The following MAP3K4 variants were observed in gnomAD, a reference collection of about 807,000 sequenced individuals.
MAP3K4 encodes the protein mitogen-activated protein kinase kinase kinase 4.
MAP3K4 carries 67 observed loss-of-function variants against 185.6 expected under a neutral mutation model. That is an observed-to-expected ratio of 0.36 (90% CI 0.30 to 0.44). MAP3K4 has a LOEUF of 0.44. Ranked by LOEUF, MAP3K4 falls within the 20% of genes least tolerant of loss-of-function variation. The probability of loss-of-function intolerance (pLI) is 1.00; values close to 1 mark genes in which losing one functional copy is unlikely to be tolerated. For synonymous variants in MAP3K4, 702 were observed against 710.4 expected (o/e 0.99, Z 0.19); for missense variants, 1,551 against 1,995.1 (o/e 0.78, Z 4.24).
At chr6:161,004,930 T>C (rs1416209441) in intron 1 of MAP3K4, among the ~76,000 whole-genome samples, 4 of 152,212 alleles carry the variant, frequency 2.6e-5, no homozygotes, top group Admixed American at 6.5e-5. Flanking sequence ...GATAAACATT[T>C]GACGTTGAAA....
rs1450837847 is a variant in MAP3K4, at chr6:161,108,950, G to C, written c.4236+91G>C. The C allele has an allele frequency of 6.2e-6, 10 of 1,610,992 alleles. No individual in the cohort carries two copies. Among genetic ancestry groups the C allele is most frequent in the Non-Finnish European group, 4.2e-6 (5 of 1,178,216 alleles). On this transcript the variant is annotated intron_variant, in intron 22 of 26. Coordinates refer to ENST00000392142, the MANE Select transcript of MAP3K4 (RefSeq NM_005922.4). The surrounding 1 kb of genome is among the most constrained non-coding windows in gnomAD (Gnocchi z 5.7). The stretch of plus-strand genomic sequence containing the variant: ...CTACATCACAGGTCTTCTCATTTCA[G>C]AGCACAGTAACTTTGCCTAATTCTC...
Position 161,008,101 on chromosome 6 carries a change from T to C in MAP3K4, c.152+16018T>C, listed in dbSNP as rs1034368858. The stretch of plus-strand genomic sequence containing the variant: ...GCAGAAAGTGGGATAGAGTGGAAAG[T>C]GGGATGCAGTGATGATATTTATTAT... On this transcript the variant is annotated intron_variant, in intron 1 of 26. Coordinates refer to ENST00000392142, the MANE Select transcript of MAP3K4 (RefSeq NM_005922.4). The surrounding 1 kb of genome is among the most constrained non-coding windows in gnomAD (Gnocchi z 4.1). 3.3e-5 allele frequency among the ~76,000 whole-genome samples: 5 copies of C among 152,016 alleles called. No homozygotes were observed. Among genetic ancestry groups the C allele is most frequent in the Non-Finnish European group, 7.4e-5 (5 of 67,994 alleles).
chr6:161,088,445 C>T lies in MAP3K4; in HGVS notation c.2823+491C>T, dbSNP rs138285551. ...TATCTGTGTTCAGCTTAGGAACAGT[C>T]ATGGTGAGTGTTCATATGCACCTTG... On this transcript the variant is annotated intron_variant, in intron 10 of 26. Transcript: ENST00000392142. The surrounding 1 kb of genome is among the most constrained non-coding windows in gnomAD (Gnocchi z 4.5). Among the ~76,000 whole-genome samples, 521 of 152,282 alleles carry T rather than the reference C, an allele frequency of 3.4e-3. 4 individuals carry two copies. Among genetic ancestry groups the T allele is most frequent in the African/African-American group, 0.012 (496 of 41,544 alleles).
chr6:161,081,748 G>A (rs558659971), intron 6 of MAP3K4, among the ~76,000 whole-genome samples: 7 of 152,270 alleles, frequency 4.6e-5, no homozygotes, highest in Admixed American at 2.0e-4. Context: ...ACTGCACCTC[G>A]GACTTGCTTT....
chr6:161,058,214 T>G (rs996608653), intron 3 of MAP3K4, among the ~76,000 whole-genome samples: 1 of 152,190 alleles, frequency 6.6e-6, no homozygotes, highest in African/African-American at 2.4e-5. Context: ...ACACAGTGTT[T>G]TAAATATTTT....
At chr6:161,032,427 G>A (rs1264049708) in intron 1 of MAP3K4, among the ~76,000 whole-genome samples, 1 of 152,100 alleles carries the variant, frequency 6.6e-6, no homozygotes, top group Non-Finnish European at 1.5e-5. Context: ...ACATTATTGG[G>A]TTTAATCCTC....
In MAP3K4 at chr6:161,007,285, G is replaced by A. The variant is rs956850385; in HGVS notation, c.152+15202G>A. 6.6e-5 allele frequency among the ~76,000 whole-genome samples: 10 copies of A among 152,186 alleles called. No homozygotes were observed. Among genetic ancestry groups the A allele is most frequent in the African/African-American group, 1.7e-4 (7 of 41,450 alleles). On this transcript the variant is annotated intron_variant, in intron 1 of 26. Transcript: ENST00000392142. This position sits in a 1 kb window ranked among gnomAD's most constrained non-coding sequence, Gnocchi z 4.5. ...CAGTTAAGTAGACGATTTTATTCGG[G>A]ATATTGCAGTGGGGAAAAACATTCA...
intron 1 of MAP3K4, among the ~76,000 whole-genome samples, chr6:161,014,647 C>T (rs891657249): frequency 1.3e-5 from 2 of 152,160 alleles, no homozygotes; most frequent in African/African-American, 2.4e-5. Context: ...AACATTGTGT[C>T]TCTAGGATAT....
chr6:161,065,615 T>C (rs529085099), intron 3 of MAP3K4, among the ~76,000 whole-genome samples: 31 of 152,252 alleles, frequency 2.0e-4, no homozygotes, highest in African/African-American at 7.0e-4. Context: ...GGACCAGAAG[T>C]GTTTTAGACT....
rs953925587 is a variant in MAP3K4 at position 161,115,403 on chromosome 6, C to T, written c.4806+101C>T. 3.5e-6 allele frequency: 4 copies of T among 1,157,266 alleles called. No individual in the cohort carries two copies. The African/African-American group carries it at 4.6e-5, about 13-fold the overall frequency. The allele number at this position is 1,157,266 out of a possible 1,614,324, so 71.7% of individuals were successfully genotyped here. A position where few individuals can be genotyped will look rare whatever the true frequency, so the allele number is the denominator to read the frequency against. On this transcript the variant is annotated intron_variant, in intron 26 of 26. Coordinates refer to ENST00000392142, the MANE Select transcript of MAP3K4 (RefSeq NM_005922.4). The surrounding 1 kb of genome is among the most constrained non-coding windows in gnomAD (Gnocchi z 6.0). The stretch of plus-strand genomic sequence containing the variant: ...TTTTGAAACTTTAAAGTAGCTATAT[C>T]TGAAGTGGAAAGGAACTAAATGTAT...
intron 1 of MAP3K4, among the ~76,000 whole-genome samples, chr6:160,998,582 G>A (rs1351608525): frequency 6.6e-6 from 1 of 152,186 alleles, no homozygotes; most frequent in Non-Finnish European, 1.5e-5. Flanking sequence ...TGAGCTGGCT[G>A]TAGCAAGCTG....
chr6:161,003,460 T>A (rs1003677787), intron 1 of MAP3K4, among the ~76,000 whole-genome samples: 1 of 152,218 alleles, frequency 6.6e-6, no homozygotes, highest in African/African-American at 2.4e-5. Flanking sequence ...TGAATTTATC[T>A]TCTTCTTGAT....
chr6:161,041,302 G>A (rs1236663742), intron 2 of MAP3K4, among the ~76,000 whole-genome samples: 1 of 152,194 alleles, frequency 6.6e-6, no homozygotes, highest in Non-Finnish European at 1.5e-5. Flanking sequence ...CCTGTCTGTG[G>A]GTAACTATCT....
rs1777585073 is a variant in MAP3K4, at chr6:161,096,670, G to GT, written c.3428-409dup. The stretch of plus-strand genomic sequence containing the variant: ...ACTCCATGCACTCAGGACAATGACA[G>GT]TGACCTCAAAGGCAGGACCTCTTGA... On this transcript the variant is annotated intron_variant, in intron 15 of 26. Coordinates refer to ENST00000392142, the MANE Select transcript of MAP3K4 (RefSeq NM_005922.4). This position sits in a 1 kb window ranked among gnomAD's most constrained non-coding sequence, Gnocchi z 4.9. 1 of 159,904 alleles carries GT rather than the reference G, an allele frequency of 6.3e-6. No individual in the cohort carries two copies. Among genetic ancestry groups the GT allele is most frequent in the South Asian group, 1.8e-4 (1 of 5,440 alleles). 9.9% of individuals were successfully genotyped at this position (159,904 alleles called of 1,614,324 possible).
intron 1 of MAP3K4, among the ~76,000 whole-genome samples, chr6:161,028,095 G>T (rs529350845): frequency 6.6e-6 from 1 of 152,328 alleles, no homozygotes; most frequent in East Asian, 1.9e-4. Context: ...TTGGGTTAAA[G>T]CAGTCACAAA....
chr6:161,013,385 A>G (rs948369017), intron 1 of MAP3K4, among the ~76,000 whole-genome samples: 3 of 152,202 alleles, frequency 2.0e-5, no homozygotes, highest in Admixed American at 6.5e-5. Flanking sequence ...AACTTTTAAT[A>G]TGGCTTAGGT....
In MAP3K4 at chr6:161,064,337, A is replaced by G. The variant is rs1353594040; in HGVS notation, c.1708-6271A>G. Among the ~76,000 whole-genome samples, 1 of 152,248 alleles carries G rather than the reference A, an allele frequency of 6.6e-6. No homozygotes were observed. The highest frequency in any genetic ancestry group is 1.5e-5 in the Non-Finnish European group (1 of 68,044). Reference sequence around the variant, plus strand: ...CTAAAACAGCTGCATAATTTTAGAAATGAATACTTGTGATACTGTGAGGTA... The same window carrying G: ...CTAAAACAGCTGCATAATTTTAGAAGTGAATACTTGTGATACTGTGAGGTA... On this transcript the variant is annotated intron_variant, in intron 3 of 26. Coordinates refer to ENST00000392142, the MANE Select transcript of MAP3K4 (RefSeq NM_005922.4). This position sits in a 1 kb window ranked among gnomAD's most constrained non-coding sequence, Gnocchi z 4.3.
rs927440623 is a variant in MAP3K4 at position 161,007,036 on chromosome 6, A to G, written c.152+14953A>G. Among the ~76,000 whole-genome samples the G allele has an allele frequency of 6.6e-6, 1 of 152,212 alleles. No homozygotes were observed. The highest frequency in any genetic ancestry group is 2.4e-5 in the African/African-American group (1 of 41,454). ...AGTAACCAGCAACAGAAATAAAGCA[A>G]ATCTCAGAGTAAAAATCAGTTCCTT... On this transcript the variant is annotated intron_variant, in intron 1 of 26. Coordinates refer to ENST00000392142, the MANE Select transcript of MAP3K4 (RefSeq NM_005922.4). The surrounding 1 kb of genome is among the most constrained non-coding windows in gnomAD (Gnocchi z 4.5).
Position 161,088,574 on chromosome 6 carries a change from A to G in MAP3K4, c.2823+620A>G, listed in dbSNP as rs1476755925. Among the ~76,000 whole-genome samples the G allele has an allele frequency of 6.6e-6, 1 of 152,192 alleles. No homozygotes were observed. The highest frequency in any genetic ancestry group is 2.4e-5 in the African/African-American group (1 of 41,436). On this transcript the variant is annotated intron_variant, in intron 10 of 26. Transcript: ENST00000392142. The surrounding 1 kb of genome is among the most constrained non-coding windows in gnomAD (Gnocchi z 4.5). The stretch of plus-strand genomic sequence containing the variant: ...TCAGTGAATGGTTCCGCGTTCACTC[A>G]CATGTTTAAACCAGAAGTGTGACAG...
Sources: gnomAD v4.1 joint callset for allele counts (sites outside exome capture counted in the v4.1 genomes callset) on GRCh38, gnomAD v4.1.1 for gene constraint, Gnocchi (gnomAD v3.1) non-coding constraint, MANE v1.5 for transcripts, NCBI Gene and HGNC (gene_info 2026-07-23, HGNC 2026-07-21) for gene names.